LIPM: variants seen among roughly 807,000 people sequenced by gnomAD.
LIPM encodes the protein lipase member M.
In LIPM, 42 loss-of-function variants were observed where a neutral mutation model predicts 42.4. The ratio of observed to expected loss-of-function variants is 0.99; its 90% CI spans 0.77 to 1.28. The LOEUF (loss-of-function observed/expected upper bound fraction) is 1.28, where lower values mean the gene tolerates loss of function less well. Among genes scored for constraint, LIPM ranks in the 50% most tolerant of loss-of-function variants. The pLI is 0.00. For missense variants in LIPM, 524 were observed against 520.1 expected (o/e 1.01, Z -0.07); for synonymous variants, 177 against 173.3 (o/e 1.02, Z -0.17).
chr10:88,812,979 C>T (rs1442018220), intron 2 of LIPM, 118 bp from the exon 3 acceptor site: 3 of 821,386 alleles, frequency 3.7e-6, no homozygotes, highest in Non-Finnish European at 5.8e-6. Context: ...ACTAAGCTAG[C>T]AAGCAGCTGA....
intron 1 of LIPM, among the ~76,000 whole-genome samples, chr10:88,805,101 T>C (rs1415368023): frequency 2.6e-5 from 4 of 152,226 alleles, no homozygotes; most frequent in Admixed American, 6.5e-5. Context: ...TAAGCAAGTG[T>C]TTACTGAGCA....
At chr10:88,820,085 G>A (rs1341368216) in intron 8 of LIPM, 147 bp from the exon 9 acceptor site, 1 of 637,000 alleles carries the variant, frequency 1.6e-6, no homozygotes, top group Non-Finnish European at 2.6e-6. Context: ...GGCGGGAACA[G>A]AAATTCTTAA....
intron 2 of LIPM, among the ~76,000 whole-genome samples, chr10:88,811,265 C>G (rs1160903360): frequency 6.6e-6 from 1 of 152,150 alleles, no homozygotes; most frequent in East Asian, 1.9e-4. Flanking sequence ...CTGCCAAAAC[C>G]CTGTGAGGTG....
rs2133057499 is a variant in LIPM at position 88,813,436 on chromosome 10, A to T, written c.464+141A>T. On this transcript the variant is annotated intron_variant, in intron 3 of 8. Coordinates refer to ENST00000404743, the MANE Select transcript of LIPM (RefSeq NM_001128215.1). Reference sequence around the variant, plus strand: ...AACATGATATCCCCCAGTTTTCTTAATTAACTAGTGATTCCTTGGTTGAAG... The same window carrying T: ...AACATGATATCCCCCAGTTTTCTTATTTAACTAGTGATTCCTTGGTTGAAG... 3 of 669,530 alleles carry T rather than the reference A, an allele frequency of 4.5e-6. No individual in the cohort carries two copies. In the East Asian group the frequency reaches 8.8e-5, roughly 20 times the overall value. The allele number at this position is 669,530 out of a possible 1,614,324, so 41.5% of individuals were successfully genotyped here. A position where few individuals can be genotyped will look rare whatever the true frequency, so the allele number is the denominator to read the frequency against.
chr10:88,809,081 A>G (rs1164053644), intron 2 of LIPM, among the ~76,000 whole-genome samples: 1 of 151,872 alleles, frequency 6.6e-6, no homozygotes, highest in Non-Finnish European at 1.5e-5. Context: ...CAGCCTCCCA[A>G]GTAGCTGGGA....
chr10:88,812,152 A>C (rs1843663358), intron 2 of LIPM, among the ~76,000 whole-genome samples: 1 of 152,136 alleles, frequency 6.6e-6, no homozygotes, highest in South Asian at 2.1e-4. Flanking sequence ...ATGTTTCTTC[A>C]TGGTGTGATT....
intron 2 of LIPM, among the ~76,000 whole-genome samples, chr10:88,810,426 C>G (rs1279009727): frequency 1.3e-5 from 2 of 151,790 alleles, no homozygotes; most frequent in Non-Finnish European, 2.9e-5. Context: ...AGGAATCTGC[C>G]TCCTTGTTCC....
intron 1 of LIPM, among the ~76,000 whole-genome samples, chr10:88,807,739 A>G (rs1276073374): frequency 6.6e-6 from 1 of 152,176 alleles, no homozygotes; most frequent in Non-Finnish European, 1.5e-5. Flanking sequence ...TTAGAACTGG[A>G]AAGAACCTTA....
rs1047978634 is a variant in LIPM, at chr10:88,817,914, C to T, written c.1002+18C>T. 9.1e-6 allele frequency: 14 copies of T among 1,535,934 alleles called. No individual in the cohort carries two copies. The highest frequency in any genetic ancestry group is 5.9e-5 in the Admixed American group (3 of 50,952). On this transcript the variant is annotated intron_variant, in intron 8 of 8. Coordinates refer to ENST00000404743, the MANE Select transcript of LIPM (RefSeq NM_001128215.1). Reference sequence around the variant, plus strand: ...GCAATCAGGTAAGAAAATCAAATACCATCTGCTGAAAATATATACATTGGA... The same window carrying T: ...GCAATCAGGTAAGAAAATCAAATACTATCTGCTGAAAATATATACATTGGA...
chr10:88,816,948 C>T, intron 7 of LIPM, 61 bp downstream of exon 7: 3 of 1,203,996 alleles, frequency 2.5e-6, no homozygotes, highest in Non-Finnish European at 3.6e-6. Context: ...GTAGAATAGT[C>T]AAAGGACACC....
At position 88,816,785 on chromosome 10, in the gene LIPM, T is replaced by C. The variant is rs374555905; in HGVS notation, c.859-31T>C. ...GGTATACATCTTGTGAGTTTTTCTA[T>C]GTCCCCCAGAATACTCATGGTTTGT... On this transcript the variant is annotated intron_variant, in intron 6 of 8. Transcript: ENST00000404743. 66 of 1,475,476 alleles carry C rather than the reference T, an allele frequency of 4.5e-5. 1 individual carries two copies. In the South Asian group the frequency reaches 4.7e-4, roughly 11 times the overall value. The allele number at this position is 1,475,476 out of a possible 1,614,324, so 91.4% of individuals were successfully genotyped here.
intron 3 of LIPM, 64 bp from the exon 4 acceptor site, chr10:88,814,466 G>T (rs1305199992): frequency 3.5e-6 from 4 of 1,127,676 alleles, no homozygotes; most frequent in East Asian, 2.6e-5. Context: ...ACCTGGTGTC[G>T]GGGGGAGCTT....
intron 1 of LIPM, among the ~76,000 whole-genome samples, chr10:88,807,394 G>T (rs1241054602): frequency 6.6e-6 from 1 of 152,156 alleles, no homozygotes; most frequent in Non-Finnish European, 1.5e-5. Context: ...TGTGATGTTT[G>T]GCCTTCTCTC....
chr10:88,811,560 A>G lies in LIPM; in HGVS notation c.266-1537A>G, dbSNP rs549928810. Among the ~76,000 whole-genome samples the G allele has an allele frequency of 1.6e-4, 25 of 152,294 alleles. No homozygotes were observed. In the East Asian group the frequency reaches 4.8e-3, roughly 29 times the overall value. ...ATATATGCCTTAATTTATTGAACAT[A>G]TTAGAATTCTTAAAACCCTTCATCC... On this transcript the variant is annotated intron_variant, in intron 2 of 8. Transcript: ENST00000404743.
At chr10:88,804,340 T>TGG (rs1843562109) in intron 1 of LIPM, among the ~76,000 whole-genome samples, 1 of 152,184 alleles carries the variant, frequency 6.6e-6, no homozygotes, top group African/African-American at 2.4e-5. Flanking sequence ...TATACACTAC[T>TGG]GGGGCTTCAG....
At position 88,808,388 on chromosome 10, in the gene LIPM, C is replaced by T. The variant is rs907046270; in HGVS notation, c.238C>T (p.Arg80Ter). ...TATCCTTTCTGTTAACAGGATTCCT[C>T]GAGGCCTAGTGCAACCTAAGAAGAC... The part of the protein sequence containing the change: ...GYILSVNRIP[R>*]GLVQPKKTGS... The change falls in exon 2 of 9, where the codon CGA becomes TGA. Residue 80 changes from arginine to a stop codon, truncating the protein, a stop_gained. Transcript: ENST00000404743. LOFTEE classifies it high-confidence loss of function. 11 of 1,551,050 alleles carry T rather than the reference C, an allele frequency of 7.1e-6. No homozygotes were observed. Among genetic ancestry groups the T allele is most frequent in the African/African-American group, 1.4e-5 (1 of 73,118 alleles).
chr10:88,802,810 T>A lies in LIPM; in HGVS notation c.-87T>A. The A allele has an allele frequency of 7.4e-7, 1 of 1,346,334 alleles. No homozygotes were observed. Among genetic ancestry groups the A allele is most frequent in the Non-Finnish European group, 1.0e-6 (1 of 999,130 alleles). 83.4% of individuals were successfully genotyped at this position (1,346,334 alleles called of 1,614,324 possible). A position where few individuals can be genotyped will look rare whatever the true frequency, so the allele number is the denominator to read the frequency against. ...AAGAGGGAATTGCAGCAGGAAAATA[T>A]GTGAAGAGTTTTTAAACCCACAAAT... On this transcript the variant is annotated 5_prime_UTR_variant, in exon 1 of 9. The change abolishes an upstream ATG in the 5' untranslated region. Transcript: ENST00000404743.
chr10:88,803,619 GTTT>G (rs34653288), intron 1 of LIPM, among the ~76,000 whole-genome samples: 12 of 122,098 alleles, frequency 9.8e-5, no homozygotes, highest in Admixed American at 1.8e-4. Flanking sequence ...TTCCCAGGAG[GTTT>G]TTTTTTTTTT....
chr10:88,805,997 C>T (rs1049921121), intron 1 of LIPM: 18 of 456,392 alleles, frequency 3.9e-5, no homozygotes, highest in East Asian at 6.9e-5. Flanking sequence ...GCCTTTAGAC[C>T]GCAAACAGGT....
Sources: gnomAD v4.1 joint callset for allele counts (sites outside exome capture counted in the v4.1 genomes callset) on GRCh38, gnomAD v4.1.1 for gene constraint, MANE v1.5 for transcripts, NCBI Gene and HGNC (gene_info 2026-07-23, HGNC 2026-07-21) for gene names.